Variants in IL23R observed in about 807,000 individuals in gnomAD.
The protein encoded by IL23R is interleukin 23 receptor, also known as interleukin-23 receptor.
In IL23R, 34 loss-of-function variants were observed where a neutral mutation model predicts 56.9. The ratio of observed to expected loss-of-function variants is 0.60; its 90% CI spans 0.45 to 0.80. The LOEUF (loss-of-function observed/expected upper bound fraction) is 0.80. Among genes scored for constraint, IL23R ranks in the 30% least tolerant of loss-of-function variants. The pLI is 0.00. For missense variants in IL23R, 635 were observed against 730.0 expected (o/e 0.87, Z 1.50); for synonymous variants, 230 against 249.2 (o/e 0.92, Z 0.73).
intron 8 of IL23R, among the ~76,000 whole-genome samples, chr1:67,239,101 C>A (rs1045622929): frequency 2.6e-5 from 4 of 152,130 alleles, no homozygotes; most frequent in Non-Finnish European, 5.9e-5. Context: ...ATAAGTAATG[C>A]CTCAACTATC....
chr1:67,252,636 A>C (rs1558266722), intron 9 of IL23R, among the ~76,000 whole-genome samples: 1 of 152,166 alleles, frequency 6.6e-6, no homozygotes, highest in Non-Finnish European at 1.5e-5. Flanking sequence ...GGGGGTCGTT[A>C]GAAGGTCTAA....
chr1:67,182,794 G>A (rs372621378), intron 3 of IL23R, 42 bp from the exon 4 acceptor site: 206 of 1,611,890 alleles, frequency 1.3e-4, no homozygotes, highest in Non-Finnish European at 1.6e-4. Context: ...AGAGAACTTC[G>A]TATTTCTTAC....
At chr1:67,175,612 C>T (rs1269561601) in intron 3 of IL23R, among the ~76,000 whole-genome samples, 5 of 152,114 alleles carry the variant, frequency 3.3e-5, no homozygotes, top group Non-Finnish European at 5.9e-5. Context: ...TGTCTTACTT[C>T]GCTTAATATA....
chr1:67,154,279 G>T (rs946746144), intron 1 of IL23R, among the ~76,000 whole-genome samples: 1 of 152,202 alleles, frequency 6.6e-6, no homozygotes, highest in Non-Finnish European at 1.5e-5. Flanking sequence ...AGGTGCACTT[G>T]ATCTGGAGCT....
chr1:67,228,872 A>T (rs1488339530), intron 7 of IL23R, among the ~76,000 whole-genome samples: 3 of 152,136 alleles, frequency 2.0e-5, no homozygotes, highest in Non-Finnish European at 2.9e-5. Context: ...AGATCCACCC[A>T]TGTAATCTAG....
chr1:67,215,803 G>T (rs997171748), intron 6 of IL23R, among the ~76,000 whole-genome samples: 1 of 152,144 alleles, frequency 6.6e-6, no homozygotes. Context: ...ACCTTGTCCT[G>T]AAAATGTCTC....
chr1:67,251,329 G>A (rs1384093157), intron 9 of IL23R, among the ~76,000 whole-genome samples: 1 of 151,926 alleles, frequency 6.6e-6, no homozygotes, highest in Non-Finnish European at 1.5e-5. Flanking sequence ...GCAGGCACCT[G>A]TAGTCCCAGC....
chr1:67,166,923 A>G (rs543643400), intron 1 of IL23R, among the ~76,000 whole-genome samples: 2 of 152,296 alleles, frequency 1.3e-5, no homozygotes, highest in South Asian at 2.1e-4. Context: ...TTATAGAAAA[A>G]GCTCAGGTTT....
chr1:67,207,617 T>G (rs1649168992), intron 6 of IL23R: 1 of 393,378 alleles, frequency 2.5e-6, no homozygotes, highest in African/African-American at 2.1e-5. Flanking sequence ...TGCTTCTTCC[T>G]CATTTTCTCT....
At position 67,198,965 on chromosome 1, in the gene IL23R, C is replaced by T. The variant is rs180867653; in HGVS notation, c.492-1772C>T. 2.9e-3 allele frequency among the ~76,000 whole-genome samples: 441 copies of T among 152,166 alleles called. 4 individuals carry two copies. Among genetic ancestry groups the T allele is most frequent in the Non-Finnish European group, 3.4e-3 (230 of 68,004 alleles). ...GTCTCAAAATCCTTCATATCCACCCCCATTGGCTTCCACCTATTTCAGACT... is the reference window on the plus strand; with the variant it reads ...GTCTCAAAATCCTTCATATCCACCCTCATTGGCTTCCACCTATTTCAGACT... On this transcript the variant is annotated intron_variant, in intron 4 of 10. Coordinates refer to ENST00000347310, the MANE Select transcript of IL23R (RefSeq NM_144701.3).
chr1:67,182,774 G>T, intron 3 of IL23R, 62 bp from the exon 4 acceptor site: 2 of 1,602,326 alleles, frequency 1.2e-6, no homozygotes, highest in Non-Finnish European at 1.7e-6. Context: ...AGCCATCTTG[G>T]CTTGGGACCA....
At chr1:67,140,245 A>G (rs1343120879) in intron 1 of IL23R, among the ~76,000 whole-genome samples, 1 of 152,240 alleles carries the variant, frequency 6.6e-6, no homozygotes, top group Non-Finnish European at 1.5e-5. Flanking sequence ...AAAGTAAAAA[A>G]TTGTTAGATC....
intron 6 of IL23R, among the ~76,000 whole-genome samples, chr1:67,213,311 G>C (rs1013313680): frequency 1.3e-5 from 2 of 152,206 alleles, no homozygotes; most frequent in African/African-American, 4.8e-5. Context: ...CTGGAATAGT[G>C]TAATTGTTCA....
At chr1:67,217,015 A>G (rs981901913) in intron 6 of IL23R, among the ~76,000 whole-genome samples, 1 of 152,140 alleles carries the variant, frequency 6.6e-6, no homozygotes, top group African/African-American at 2.4e-5. Context: ...GTTACCAAGG[A>G]CCCTCTCATC....
At chr1:67,141,553 A>G (rs1004961638) in intron 1 of IL23R, among the ~76,000 whole-genome samples, 2 of 152,054 alleles carry the variant, frequency 1.3e-5, no homozygotes, top group African/African-American at 4.8e-5. Context: ...AGGCCAGGAG[A>G]TCAAGACCAG....
At chr1:67,244,981 AT>A (rs1192489016) in intron 9 of IL23R, among the ~76,000 whole-genome samples, 1 of 152,012 alleles carries the variant, frequency 6.6e-6, no homozygotes, top group African/African-American at 2.4e-5. Context: ...GTCCTCTCTT[AT>A]TTCCTTGAGC....
intron 1 of IL23R, among the ~76,000 whole-genome samples, chr1:67,143,137 G>T (rs1646653319): frequency 6.6e-6 from 1 of 151,922 alleles, no homozygotes; most frequent in African/African-American, 2.4e-5. Flanking sequence ...GCTCCCCAAA[G>T]AAAACTTAGG....
chr1:67,184,386 A>C (rs892562372), intron 4 of IL23R, among the ~76,000 whole-genome samples: 1 of 152,032 alleles, frequency 6.6e-6, no homozygotes, highest in Non-Finnish European at 1.5e-5. Flanking sequence ...TCTCTACTAA[A>C]AATGCAAAAA....
intron 9 of IL23R, among the ~76,000 whole-genome samples, chr1:67,247,618 T>G (rs2100355986): frequency 6.6e-6 from 1 of 152,272 alleles, no homozygotes; most frequent in East Asian, 1.9e-4. Context: ...CCATTTACAT[T>G]TAAGGTTAAT....
Sources: allele counts gnomAD v4.1 joint callset (sites outside exome capture counted in the v4.1 genomes callset), GRCh38; gene constraint gnomAD v4.1.1; transcripts MANE v1.5; gene names NCBI Gene and HGNC (gene_info 2026-07-23, HGNC 2026-07-21).